Variants in ZNF688 observed in about 807,000 individuals in gnomAD.
ZNF688 encodes the protein zinc finger protein 688.
ZNF688 carries 10 observed loss-of-function variants against 13.2 expected under a neutral mutation model. The ratio of observed to expected loss-of-function variants is 0.76; its 90% CI spans 0.47 to 1.28. ZNF688 has a LOEUF of 1.28. ZNF688 is among the 50% of genes most tolerant of loss of function. The pLI is 0.00. For synonymous variants in ZNF688, 160 were observed against 159.4 expected (o/e 1.00, Z -0.03); for missense variants, 381 against 391.4 (o/e 0.97, Z 0.22).
chr16:30,570,212 C>G lies in ZNF688; in HGVS notation c.535G>C (p.Gly179Arg), dbSNP rs759443324. The stretch of plus-strand genomic sequence containing the variant: ...TCCGTGCACACGTGGCGCCGCTGGC[C>G]GGCCTGAGCATCCATGCTGGGTATG... ...APIPSMDAQA[G>R]QRRHVCTDCG... is the part of the protein sequence containing the mutation. The change falls in exon 3 of 3, where the codon GGC (glycine) becomes CGC (arginine). Residue 179 changes from glycine to arginine, a missense_variant. Coordinates refer to ENST00000223459, the MANE Select transcript of ZNF688 (RefSeq NM_145271.4). 6.2e-7 allele frequency: 1 copy of G among 1,612,714 alleles called. No individual in the cohort carries two copies. The highest frequency in any genetic ancestry group is 2.2e-5 in the East Asian group (1 of 44,872).
chr16:30,575,331 C>A (rs1336182571), upstream of ZNF688, among the ~76,000 whole-genome samples: 1 of 150,924 alleles, frequency 6.6e-6, no homozygotes, highest in Admixed American at 6.6e-5. Flanking sequence ...ATTGCAGCCT[C>A]TGCCTCCCAG....
upstream of ZNF688, among the ~76,000 whole-genome samples, chr16:30,575,082 T>C (rs1195531731): frequency 6.6e-6 from 1 of 152,210 alleles, no homozygotes; most frequent in South Asian, 2.1e-4. Context: ...TCATATTTTC[T>C]TTATTCATTT....
At chr16:30,576,553 A>C (rs1047646361), upstream of ZNF688, among the ~76,000 whole-genome samples, 1 of 151,546 alleles carries the variant, frequency 6.6e-6, no homozygotes, top group Admixed American at 6.6e-5. Context: ...GAGTTTCACC[A>C]TGTTGGGAAG....
Position 30,569,907 on chromosome 16 carries a change from C to T in ZNF688, c.*9G>A. 2 of 1,522,730 alleles carry T rather than the reference C, an allele frequency of 1.3e-6. No individual in the cohort carries two copies. Among genetic ancestry groups the T allele is most frequent in the Non-Finnish European group, 1.8e-6 (2 of 1,135,686 alleles). The allele number at this position is 1,522,730 out of a possible 1,614,324, so 94.3% of individuals were successfully genotyped here. On this transcript the variant is annotated 3_prime_UTR_variant, in exon 3 of 3. Transcript: ENST00000223459. The stretch of plus-strand genomic sequence containing the variant: ...CAAGGTCAGGCTCAACTCCAGCCTG[C>T]GGTGCCGCTCAGCCGCACTCCTCGA...
At chr16:30,577,876 G>C in the ZNF688 span, among the ~76,000 whole-genome samples, 1 of 151,424 alleles carries the variant, frequency 6.6e-6, no homozygotes, top group South Asian at 2.1e-4. Flanking sequence ...TGCCATGTTG[G>C]CCAGGCTGGT....
the ZNF688 span, chr16:30,579,864 G>T: frequency 1.1e-5 from 5 of 455,674 alleles, no homozygotes; most frequent in Middle Eastern, 3.2e-4. Flanking sequence ...GGGCCAGAAA[G>T]AACTCTCTTA....
chr16:30,575,063 G>GTA (rs745642671), upstream of ZNF688, among the ~76,000 whole-genome samples: 11 of 152,092 alleles, frequency 7.2e-5, no homozygotes, highest in Non-Finnish European at 1.0e-4. Flanking sequence ...AGTCCACTGT[G>GTA]TATATATATC....
At chr16:30,578,815 G>A in the ZNF688 span, 1 of 145,242 alleles carries the variant, frequency 6.9e-6, no homozygotes, top group African/African-American at 2.6e-5. Flanking sequence ...ACAGGTGTGA[G>A]CCACTGCGCC....
chr16:30,574,743 T>C (rs1186987415), upstream of ZNF688, among the ~76,000 whole-genome samples: 2 of 152,180 alleles, frequency 1.3e-5, no homozygotes, highest in Admixed American at 6.6e-5. Context: ...CTTCTAGCTA[T>C]GGAAATTTAC....
chr16:30,576,959 T>A (rs1433446671), upstream of ZNF688, among the ~76,000 whole-genome samples: 1 of 151,676 alleles, frequency 6.6e-6, no homozygotes, highest in African/African-American at 2.4e-5. Flanking sequence ...AGAGATGGGG[T>A]CTCTCCATGA....
chr16:30,573,930 T>C, upstream of ZNF688: 1 of 324,286 alleles, frequency 3.1e-6, no homozygotes, highest in East Asian at 1.1e-4. Flanking sequence ...TCCTTAGAAA[T>C]GAGTATTTTT....
chr16:30,573,432 T>G (rs964018170), upstream of ZNF688, among the ~76,000 whole-genome samples: 2 of 152,136 alleles, frequency 1.3e-5, no homozygotes, highest in Non-Finnish European at 2.9e-5. Context: ...CCAAGATGGG[T>G]CATCCTCATG....
chr16:30,579,516 T>C, the ZNF688 span: 2 of 241,740 alleles, frequency 8.3e-6, no homozygotes, highest in African/African-American at 4.5e-5. Context: ...GCCTCCTGAG[T>C]AGCTGGGACT....
At chr16:30,570,722 A>ATTATTTGT (rs2051661775) in intron 2 of ZNF688, 1 of 297,984 alleles carries the variant, frequency 3.4e-6, no homozygotes, top group Non-Finnish European at 5.9e-6. Flanking sequence ...AGCAGGGGCT[A>ATTATTTGT]TTATTTATTT....
rs772107716 is a variant in ZNF688 at position 30,571,475 on chromosome 16, C to T, written c.155G>A (p.Arg52Gln). 1.3e-6 allele frequency: 2 copies of T among 1,588,902 alleles called. No homozygotes were observed. Among genetic ancestry groups the T allele is most frequent in the Admixed American group, 3.5e-5 (2 of 56,640 alleles). ...GCCGTAGGTCTCCTGCATCACGTCC[C>T]GGTACAGAGCCCTCTGCGCGGGCCG... ...CLRPAQRALY[R>Q]DVMQETYGHL... The change falls in exon 1 of 3, where the codon CGG becomes CAG. Residue 52 changes from arginine to glutamine, a missense_variant. Coordinates refer to ENST00000223459, the MANE Select transcript of ZNF688 (RefSeq NM_145271.4).
rs754941125 is a variant in ZNF688, at chr16:30,570,136, A to C, written c.611T>G (p.Met204Arg). Residue 204 changes from methionine (M) to arginine (R), a missense_variant, in exon 3 of 3, where the codon ATG becomes AGG. Transcript: ENST00000223459. ...YPSLLVSHRR[M>R]HSGERPFPCP... ...GGGGAAAGGCCGCTCCCCCGAGTGC[A>C]TGCGCCTGTGGCTGACCAGCAGTGA... The C allele has an allele frequency of 9.9e-6, 16 of 1,611,396 alleles. No individual in the cohort carries two copies. In the South Asian group the frequency reaches 1.8e-4, roughly 18 times the overall value.
rs754460820 is a variant in ZNF688 at position 30,570,044 on chromosome 16, A to C, written c.703T>G (p.Ser235Ala). The C allele has an allele frequency of 6.2e-7, 1 of 1,610,972 alleles. No homozygotes were observed. The highest frequency in any genetic ancestry group is 8.5e-7 in the Non-Finnish European group (1 of 1,179,308). ...CGGCCCCGCCGCCCCCCGGAGCAGGAGCGGTGGATCCACTGGTGCGCTTCC... is the reference window on the plus strand; with the variant it reads ...CGGCCCCGCCGCCCCCCGGAGCAGGCGCGGTGGATCCACTGGTGCGCTTCC... ...AVEAHQWIHR[S>A]CSGGRRGRRP... Residue 235 changes from serine (S) to alanine (A), a missense_variant, in exon 3 of 3, where the codon TCC becomes GCC. By Grantham distance (99) the Ser-to-Ala change is moderately conservative. Coordinates refer to ENST00000223459, the MANE Select transcript of ZNF688 (RefSeq NM_145271.4).
upstream of ZNF688, among the ~76,000 whole-genome samples, chr16:30,575,524 G>A (rs1254941847): frequency 6.6e-6 from 1 of 152,094 alleles, no homozygotes; most frequent in Non-Finnish European, 1.5e-5. Flanking sequence ...GGGATTACAG[G>A]TGTGAGTCAC....
chr16:30,570,131 A>G lies in ZNF688; in HGVS notation c.616T>C (p.Ser206Pro), dbSNP rs751509442. ...GGGCAGGGGAAAGGCCGCTCCCCCG[A>G]GTGCATGCGCCTGTGGCTGACCAGC... ...SLLVSHRRMH[S>P]GERPFPCPEC... Residue 206 changes from serine to proline, a missense_variant, in exon 3 of 3, where the codon TCG becomes CCG. Physicochemically the swap from Ser to Pro is moderately conservative, Grantham distance 74. Transcript: ENST00000223459. The G allele has an allele frequency of 1.2e-6, 2 of 1,611,384 alleles. No homozygotes were observed. The highest frequency in any genetic ancestry group is 1.7e-6 in the Non-Finnish European group (2 of 1,178,838).
Sources: gnomAD v4.1 joint callset for allele counts (sites outside exome capture counted in the v4.1 genomes callset) on GRCh38, gnomAD v4.1.1 for gene constraint, MANE v1.5 for transcripts, NCBI Gene and HGNC (gene_info 2026-07-23, HGNC 2026-07-21) for gene names.